Variants in NFATC2 observed in about 807,000 individuals in gnomAD.
The protein encoded by NFATC2 is nuclear factor of activated T cells 2, also known as nuclear factor of activated T-cells, cytoplasmic 2.
NFATC2 carries 22 observed loss-of-function variants against 87.3 expected under a neutral mutation model. The observed-to-expected ratio is 0.25, with a 90% CI of 0.18 to 0.36. The LOEUF is 0.36. NFATC2 is among the 10% of genes least tolerant of loss of function. The pLI is 1.00. For synonymous variants in NFATC2, 565 were observed against 542.2 expected (o/e 1.04, Z -0.58); for missense variants, 1,149 against 1,259.1 (o/e 0.91, Z 1.32).
chr20:51,472,629 CTTTTTTTT>C (rs1223762055), intron 5 of NFATC2, among the ~76,000 whole-genome samples: 55 of 92,730 alleles, frequency 5.9e-4, no homozygotes, highest in African/African-American at 2.3e-3. Context: ...CTTCTTTCTT[CTTTTTTTT>C]TTTTTTTTTT....
chr20:51,512,250 C>T (rs1330275791), intron 3 of NFATC2, among the ~76,000 whole-genome samples: 1 of 152,224 alleles, frequency 6.6e-6, no homozygotes, highest in Non-Finnish European at 1.5e-5. Context: ...AGCAGTTCCT[C>T]CCAAGCGGTG....
rs1385146277 is a variant in NFATC2 at position 51,480,224 on chromosome 20, G to A, written c.1333-4564C>T. Among the ~76,000 whole-genome samples the A allele has an allele frequency of 1.3e-5, 2 of 152,080 alleles. No homozygotes were observed. Among genetic ancestry groups the A allele is most frequent in the African/African-American group, 4.8e-5 (2 of 41,390 alleles). Reference sequence around the variant, plus strand: ...AATCACTTGAACCCGGGGGTTGGAGGTGGCAGTGAGCCGATATTGCACCAC... The same window carrying A: ...AATCACTTGAACCCGGGGGTTGGAGATGGCAGTGAGCCGATATTGCACCAC... On this transcript the variant is annotated intron_variant, in intron 3 of 10. Coordinates refer to ENST00000371564, the MANE Select transcript of NFATC2 (RefSeq NM_012340.5). The surrounding 1 kb of genome is among the most constrained non-coding windows in gnomAD (Gnocchi z 4.2).
chr20:51,471,901 G>C lies in NFATC2; in HGVS notation c.1708+2079C>G, dbSNP rs1393412074. 2.0e-5 allele frequency among the ~76,000 whole-genome samples: 3 copies of C among 152,298 alleles called. No individual in the cohort carries two copies. The East Asian group carries it at 5.8e-4, about 29-fold the overall frequency. On this transcript the variant is annotated intron_variant, in intron 5 of 10. Coordinates refer to ENST00000371564, the MANE Select transcript of NFATC2 (RefSeq NM_012340.5). ...AGCGCCAGCTGATGGATGCAGCAAA[G>C]CACCATGGCACATGTTTACCTGTGT...
At chr20:51,401,757 C>T (rs1988070482) in intron 9 of NFATC2, among the ~76,000 whole-genome samples, 1 of 152,152 alleles carries the variant, frequency 6.6e-6, no homozygotes, top group Non-Finnish European at 1.5e-5. Flanking sequence ...AGTCATCCCA[C>T]TGATCCTATG....
chr20:51,432,871 A>C lies in NFATC2; in HGVS notation c.2033-115T>G. 1.2e-6 allele frequency: 1 copy of C among 861,990 alleles called. No homozygotes were observed. Among genetic ancestry groups the C allele is most frequent in the Non-Finnish European group, 1.6e-6 (1 of 613,880 alleles). The allele number at this position is 861,990 out of a possible 1,614,324, so 53.4% of individuals were successfully genotyped here. A position where few individuals can be genotyped will look rare whatever the true frequency, so the allele number is the denominator to read the frequency against. On this transcript the variant is annotated intron_variant, in intron 8 of 10. Coordinates refer to ENST00000371564, the MANE Select transcript of NFATC2 (RefSeq NM_012340.5). The surrounding 1 kb of genome is among the most constrained non-coding windows in gnomAD (Gnocchi z 4.6). ...CCTTGGGAGTCCATACGGGTGGGACAAACAGCTGGTCCCTGTCACTTATCA... is the reference window on the plus strand; with the variant it reads ...CCTTGGGAGTCCATACGGGTGGGACCAACAGCTGGTCCCTGTCACTTATCA...
intron 6 of NFATC2, among the ~76,000 whole-genome samples, chr20:51,443,989 T>G (rs1003773088): frequency 6.7e-6 from 1 of 148,908 alleles, no homozygotes; most frequent in African/African-American, 2.5e-5. Flanking sequence ...TGTTTTGTGT[T>G]TGTTTGTTTT....
At chr20:51,553,955 C>A (rs1272055436) in intron 1 of NFATC2, among the ~76,000 whole-genome samples, 2 of 152,156 alleles carry the variant, frequency 1.3e-5, no homozygotes, top group Non-Finnish European at 2.9e-5. Context: ...GCTGTCTTCC[C>A]CTGTATGCCC....
chr20:51,436,567 T>G lies in NFATC2; in HGVS notation c.1850-806A>C, dbSNP rs1033139849. ...CTACTAAAAATAAAAATACAAAAAT[T>G]AGCCAGGTGTGGTTGCAGGTGCCTG... On this transcript the variant is annotated intron_variant, in intron 6 of 10. Coordinates refer to ENST00000371564, the MANE Select transcript of NFATC2 (RefSeq NM_012340.5). Among the ~76,000 whole-genome samples the G allele has an allele frequency of 4.6e-5, 7 of 151,794 alleles. No homozygotes were observed. The South Asian group carries it at 1.0e-3, about 23-fold the overall frequency.
chr20:51,528,156 T>C (rs1400343020), intron 1 of NFATC2, among the ~76,000 whole-genome samples: 1 of 151,880 alleles, frequency 6.6e-6, no homozygotes, highest in Non-Finnish European at 1.5e-5. Flanking sequence ...TGTGTATGCT[T>C]AAGATTCATT....
chr20:51,509,246 C>T (rs2076234048), intron 3 of NFATC2, among the ~76,000 whole-genome samples: 1 of 150,402 alleles, frequency 6.6e-6, no homozygotes. Flanking sequence ...CACCTCCCAA[C>T]ATACTATTTC....
rs2076325975 is a variant in NFATC2 at position 51,514,824 on chromosome 20, G to T, written c.1332+1960C>A. On this transcript the variant is annotated intron_variant, in intron 3 of 10. Coordinates refer to ENST00000371564, the MANE Select transcript of NFATC2 (RefSeq NM_012340.5). ...GGAGGCAGAGGTTGCAGTGAGCCAA[G>T]ATTACACCACTGCACTCCAGCCTGT... Among the ~76,000 whole-genome samples the T allele has an allele frequency of 2.6e-5, 4 of 152,208 alleles. No homozygotes were observed. In the South Asian group the frequency reaches 8.3e-4, roughly 32 times the overall value.
chr20:51,541,899 C>T (rs969640282), intron 1 of NFATC2, among the ~76,000 whole-genome samples: 1 of 152,136 alleles, frequency 6.6e-6, no homozygotes, highest in African/African-American at 2.4e-5. Flanking sequence ...AGGGAAGGAG[C>T]GGCCTCCTAC....
chr20:51,515,152 A>G (rs1444324732), intron 3 of NFATC2, among the ~76,000 whole-genome samples: 1 of 152,166 alleles, frequency 6.6e-6, no homozygotes, highest in Admixed American at 6.6e-5. Context: ...ATCAGAGAGG[A>G]GGAAGCTGCT....
intron 6 of NFATC2, among the ~76,000 whole-genome samples, chr20:51,444,228 C>T (rs532679200): frequency 1.4e-3 from 220 of 152,082 alleles, no homozygotes; most frequent in African/African-American, 4.8e-3. Context: ...GTGATCCGCC[C>T]GCCTTGGCCT....
chr20:51,494,223 G>A lies in NFATC2; in HGVS notation c.1333-18563C>T, dbSNP rs1018879959. Among the ~76,000 whole-genome samples, 32 of 151,950 alleles carry A rather than the reference G, an allele frequency of 2.1e-4. 1 individual carries two copies. Among genetic ancestry groups the A allele is most frequent in the Non-Finnish European group, 2.9e-4 (20 of 67,998 alleles). On this transcript the variant is annotated intron_variant, in intron 3 of 10. Coordinates refer to ENST00000371564, the MANE Select transcript of NFATC2 (RefSeq NM_012340.5). ...TCCCCTCCTTCTCCACGCGGAGTGG[G>A]CACCAGGCACTGAATTTCCATGGGT...
chr20:51,443,583 C>T (rs915925447), intron 6 of NFATC2, among the ~76,000 whole-genome samples: 8 of 152,150 alleles, frequency 5.3e-5, no homozygotes, highest in African/African-American at 1.9e-4. Context: ...ATCAGAGCAA[C>T]ACAGCCCAGA....
Position 51,480,514 on chromosome 20 carries a change from G to A in NFATC2, c.1333-4854C>T, listed in dbSNP as rs1397238570. Among the ~76,000 whole-genome samples, 1 of 152,220 alleles carries A rather than the reference G, an allele frequency of 6.6e-6. No homozygotes were observed. The highest frequency in any genetic ancestry group is 1.5e-5 in the Non-Finnish European group (1 of 68,036). ...AGCTGGGCTGGCTTATACAATGTGA[G>A]CAGATAGAATCCACCTGGCACTGGT... On this transcript the variant is annotated intron_variant, in intron 3 of 10. Transcript: ENST00000371564. The surrounding 1 kb of genome is among the most constrained non-coding windows in gnomAD (Gnocchi z 4.2).
chr20:51,430,439 T>C (rs767916329), intron 9 of NFATC2, among the ~76,000 whole-genome samples: 17 of 152,238 alleles, frequency 1.1e-4, no homozygotes, highest in Non-Finnish European at 1.5e-4. Context: ...GGATGGATTG[T>C]ATGCAGGTGT....
Position 51,475,533 on chromosome 20 carries a change from G to C in NFATC2, c.1460C>G (p.Thr487Ser), listed in dbSNP as rs772516112. ...GTTGCCCACTATCTTCTCATAGCTG[G>C]TGGTGGTGACAGTTTTCCCCGTGAT... is the stretch of plus-strand genomic sequence containing the variant. ...HRITGKTVTT[T>S]SYEKIVGNTK... The change falls in exon 4 of 11, where the codon ACC becomes AGC. Residue 487 changes from threonine (T) to serine (S), a missense_variant. Transcript: ENST00000371564. 5 of 1,613,974 alleles carry C rather than the reference G, an allele frequency of 3.1e-6. No homozygotes were observed. Among genetic ancestry groups the C allele is most frequent in the Admixed American group, 3.3e-5 (2 of 59,990 alleles).
Sources: allele counts gnomAD v4.1 joint callset (sites outside exome capture counted in the v4.1 genomes callset), GRCh38; gene constraint gnomAD v4.1.1; non-coding constraint Gnocchi (gnomAD v3.1); transcripts MANE v1.5; gene names NCBI Gene and HGNC (gene_info 2026-07-23, HGNC 2026-07-21).